POLG2: variants seen among roughly 807,000 people sequenced by gnomAD.
POLG2 encodes DNA polymerase subunit gamma-2.
In POLG2, 50 loss-of-function variants were observed where a neutral mutation model predicts 56.5. That is an observed-to-expected ratio of 0.88 (90% CI 0.71 to 1.12). The LOEUF (loss-of-function observed/expected upper bound fraction) is 1.12. Among genes scored for constraint, POLG2 ranks in the 50% most tolerant of loss-of-function variants. POLG2 has a pLI of 0.00. For synonymous variants in POLG2, 226 were observed against 222.6 expected (o/e 1.02, Z -0.14); for missense variants, 584 against 583.3 (o/e 1.00, Z -0.01).
Position 64,485,917 on chromosome 17 carries a change from G to A in POLG2, c.970-49C>T, listed in dbSNP as rs2037944017. 1.9e-6 allele frequency: 3 copies of A among 1,594,072 alleles called. No individual in the cohort carries two copies. In the African/African-American group the frequency reaches 4.0e-5, roughly 21 times the overall value. On this transcript the variant is annotated intron_variant, in intron 4 of 7. Transcript: ENST00000539111. ...ATAATCATTTCACAGAACTTTTTTT[G>A]TTTGTTTGTTTTTGAGACGGAGTCT...
rs782621029 is a variant in POLG2 at position 64,496,794 on chromosome 17, C to T, written c.175G>A (p.Ala59Thr). ...TCGCTTCCCTCTCCAGACCCGGGGG[C>T]TTCTGGGTGCTCGCCGTTCCCCTCG... ...ELEGNGEHPE[A>T]PGSGEGSEAL... is the part of the protein sequence containing the mutation. The change falls in exon 1 of 8, where the codon GCC (alanine) becomes ACC (threonine). Residue 59 changes from alanine to threonine, a missense_variant. Coordinates refer to ENST00000539111, the MANE Select transcript of POLG2 (RefSeq NM_007215.4). The T allele has an allele frequency of 1.1e-5, 18 of 1,613,862 alleles. No homozygotes were observed. The East Asian group carries it at 3.6e-4, about 32-fold the overall frequency.
intron 3 of POLG2, 57 bp from the exon 4 acceptor site, chr17:64,491,026 C>T: frequency 8.0e-7 from 1 of 1,247,572 alleles, no homozygotes; most frequent in Non-Finnish European, 1.2e-6. Flanking sequence ...TAATTTAACT[C>T]CCATAATTAT....
At chr17:64,488,524 G>A (rs1227039732) in intron 4 of POLG2, among the ~76,000 whole-genome samples, 7 of 152,074 alleles carry the variant, frequency 4.6e-5, no homozygotes, top group Non-Finnish European at 8.8e-5. Context: ...GCAACATAGC[G>A]AGACCCCATT....
At chr17:64,478,058 T>C in intron 7 of POLG2, 70 bp from the exon 8 acceptor site, 1 of 1,504,210 alleles carries the variant, frequency 6.6e-7, no homozygotes, top group East Asian at 2.3e-5. Context: ...CGTTGCCAGC[T>C]GTAATTCAGT....
intron 1 of POLG2, among the ~76,000 whole-genome samples, chr17:64,494,411 G>GCTCCC (rs56993141): frequency 0.054 from 8,178 of 152,102 alleles, 376 homozygotes; most frequent in Admixed American, 0.14. Context: ...ATAATATCCT[G>GCTCCC]CTCCCCAACA....
chr17:64,481,824 G>A (rs553449274), intron 6 of POLG2, among the ~76,000 whole-genome samples: 56 of 151,968 alleles, frequency 3.7e-4, no homozygotes, highest in African/African-American at 1.3e-3. Flanking sequence ...GCAGTGAGCC[G>A]AGATCGTGCC....
chr17:64,489,322 C>A (rs2038015038), intron 4 of POLG2, among the ~76,000 whole-genome samples: 2 of 143,702 alleles, frequency 1.4e-5, no homozygotes, highest in South Asian at 2.2e-4. Context: ...ATATTGCTGA[C>A]CAGTAAATCT....
intron 6 of POLG2, among the ~76,000 whole-genome samples, chr17:64,482,323 A>C (rs2037874816): frequency 7.0e-6 from 1 of 143,510 alleles, no homozygotes; most frequent in South Asian, 2.1e-4. Context: ...AGGCAAATTA[A>C]AAACTTTTTT....
intron 4 of POLG2, among the ~76,000 whole-genome samples, chr17:64,486,357 AAC>A (rs2037953198): frequency 7.6e-6 from 1 of 132,022 alleles, no homozygotes; most frequent in South Asian, 2.2e-4. Flanking sequence ...TCAGAAAGGT[AAC>A]ACTTTTTTTT....
At chr17:64,496,354 G>T in intron 1 of POLG2, 53 bp downstream of exon 1, 2 of 1,184,538 alleles carry the variant, frequency 1.7e-6, no homozygotes, top group Non-Finnish European at 1.2e-6. Context: ...CAGCAAGACT[G>T]CCTCGCCTTT....
intron 6 of POLG2, among the ~76,000 whole-genome samples, chr17:64,480,883 G>A (rs868980182): frequency 6.6e-6 from 1 of 152,180 alleles, no homozygotes; most frequent in African/African-American, 2.4e-5. Flanking sequence ...GTTTCAAGAA[G>A]AGACTGATCA....
At chr17:64,481,467 T>A in intron 6 of POLG2, 1 of 938,268 alleles carries the variant, frequency 1.1e-6, no homozygotes, top group Non-Finnish European at 1.3e-6. Flanking sequence ...ATGAAAGCCA[T>A]CCCCCATGGC....
Position 64,477,959 on chromosome 17 carries a change from A to G in POLG2, c.1322T>C (p.Val441Ala). The change falls in exon 8 of 8, where the codon GTT (valine) becomes GCT (alanine). Residue 441 changes from valine (V) to alanine (A), a missense_variant. Coordinates refer to ENST00000539111, the MANE Select transcript of POLG2 (RefSeq NM_007215.4). ...CTCCAAAGTAGTTTCAGTAACCAAAACTGTGAAGAGAATACTCATTTCATC... is the reference window on the plus strand; with the variant it reads ...CTCCAAAGTAGTTTCAGTAACCAAAGCTGTGAAGAGAATACTCATTTCATC... ...KYDEMSILFT[V>A]LVTETTLENG... 1.2e-6 allele frequency: 2 copies of G among 1,613,952 alleles called. No homozygotes were observed. The highest frequency in any genetic ancestry group is 1.7e-6 in the Non-Finnish European group (2 of 1,179,932).
intron 1 of POLG2, among the ~76,000 whole-genome samples, 173 bp downstream of exon 1, chr17:64,496,234 C>T (rs2038148368): frequency 6.6e-6 from 1 of 152,096 alleles, no homozygotes; most frequent in African/African-American, 2.4e-5. Flanking sequence ...TTCCATGGAC[C>T]AGTTTTCTCC....
intron 6 of POLG2, chr17:64,481,503 GAACA>G (rs2037855255): frequency 1.7e-6 from 1 of 581,770 alleles, no homozygotes; most frequent in South Asian, 7.6e-5. Flanking sequence ...TTAATCATTA[GAACA>G]AATTAGAAAA....
At chr17:64,488,628 C>T (rs1555667933) in intron 4 of POLG2, among the ~76,000 whole-genome samples, 2 of 152,156 alleles carry the variant, frequency 1.3e-5, no homozygotes, top group Admixed American at 6.6e-5. Context: ...TTGAGCTGTT[C>T]GTTAACTATG....
intron 4 of POLG2, among the ~76,000 whole-genome samples, chr17:64,487,743 T>C (rs1304598792): frequency 2.0e-5 from 3 of 152,202 alleles, no homozygotes; most frequent in Non-Finnish European, 4.4e-5. Flanking sequence ...GACTCACTCC[T>C]GTAATCCTAG....
chr17:64,492,107 A>G (rs1277224608), intron 3 of POLG2, among the ~76,000 whole-genome samples: 1 of 152,214 alleles, frequency 6.6e-6, no homozygotes, highest in Non-Finnish European at 1.5e-5. Flanking sequence ...AACCATGACT[A>G]AAGTGGGATA....
At chr17:64,488,913 C>T (rs539365263) in intron 4 of POLG2, among the ~76,000 whole-genome samples, 60 of 151,944 alleles carry the variant, frequency 3.9e-4, no homozygotes, top group African/African-American at 1.4e-3. Context: ...ACACTGCACT[C>T]CAGCCTGGGC....
Sources: gnomAD v4.1 joint callset for allele counts (sites outside exome capture counted in the v4.1 genomes callset) on GRCh38, gnomAD v4.1.1 for gene constraint, MANE v1.5 for transcripts, NCBI Gene and HGNC (gene_info 2026-07-23, HGNC 2026-07-21) for gene names.